TDRD1: variants seen among roughly 807,000 people sequenced by gnomAD.
The protein encoded by TDRD1 is tudor domain-containing protein 1.
Under a neutral mutation model 140.6 loss-of-function variants are expected in TDRD1, and 37 were observed. The observed-to-expected ratio is 0.26, with a 90% confidence interval of 0.20 to 0.35. The LOEUF (loss-of-function observed/expected upper bound fraction) is 0.35, where lower values mean the gene tolerates loss of function less well. TDRD1 is among the 10% of genes least tolerant of loss of function. TDRD1 has a pLI of 1.00. For missense variants in TDRD1, 1,243 were observed against 1,393.0 expected, an observed-to-expected ratio of 0.89 and a Z score of 1.71; for synonymous variants, 506 against 475.7, an observed-to-expected ratio of 1.06 and a Z score of -0.83.
Position 114,203,516 on chromosome 10 carries a change from CTA to C in TDRD1, c.934_935del (p.Ile312SerfsTer3). Reference sequence around the variant, plus strand: ...CATATGCAAATGTGCATGAAAAAGACTATATTCCTGTTAAGGGGGAAGTTTGT... The same window carrying C: ...CATATGCAAATGTGCATGAAAAAGACTATTCCTGTTAAGGGGGAAGTTTGT... On this transcript the variant is annotated frameshift_variant, in exon 8 of 26. Transcript: ENST00000251864. LOFTEE classifies it high-confidence loss of function. The C allele has an allele frequency of 6.2e-7, 1 of 1,613,252 alleles. No individual in the cohort carries two copies. The highest frequency in any genetic ancestry group is 8.5e-7 in the Non-Finnish European group (1 of 1,179,740).
rs536628624 is a variant in TDRD1, at chr10:114,185,312, C to T, written c.-6-2514C>T. 3.0e-3 allele frequency among the ~76,000 whole-genome samples: 461 copies of T among 152,286 alleles called. 1 individual carries two copies. Among genetic ancestry groups the T allele is most frequent in the Non-Finnish European group, 5.7e-3 (387 of 68,030 alleles). ...TCAAGCTATTCTCCTGCCTCAGCCT[C>T]CCGAGTAGCTGGGACTACAGGTGCG... On this transcript the variant is annotated intron_variant, in intron 1 of 25. Transcript: ENST00000251864.
At chr10:114,222,763 G>C (rs2036219552) in intron 21 of TDRD1, 60 bp downstream of exon 21, 17 of 961,392 alleles carry the variant, frequency 1.8e-5, no homozygotes, top group Non-Finnish European at 2.8e-5. Flanking sequence ...TGTTCTACAT[G>C]ATACTATGTA....
At chr10:114,192,799 A>C (rs1482448852) in intron 3 of TDRD1, among the ~76,000 whole-genome samples, 1 of 152,164 alleles carries the variant, frequency 6.6e-6, no homozygotes, top group East Asian at 1.9e-4. Context: ...TTTTCTGTAG[A>C]TATATGTGTC....
intron 11 of TDRD1, among the ~76,000 whole-genome samples, chr10:114,206,607 GTTTGT>G (rs2035123613): frequency 7.2e-6 from 1 of 138,168 alleles, no homozygotes; most frequent in East Asian, 2.1e-4. Flanking sequence ...TAGAGTTAGG[GTTTGT>G]TTTTTTTTTT....
intron 16 of TDRD1, among the ~76,000 whole-genome samples, chr10:114,216,572 T>C (rs2133111804): frequency 6.6e-6 from 1 of 152,320 alleles, no homozygotes; most frequent in Admixed American, 6.5e-5. Flanking sequence ...AAATACAGGA[T>C]TAGTGGTTTC....
chr10:114,203,175 A>C, exon 7 of TDRD1: 1 of 1,607,108 alleles, frequency 6.2e-7, no homozygotes, highest in South Asian at 1.1e-5. Flanking sequence ...ATGGAAATAA[A>C]GGTATTTGTT....
intron 11 of TDRD1, among the ~76,000 whole-genome samples, chr10:114,207,130 C>T (rs2035174772): frequency 1.3e-5 from 2 of 152,226 alleles, no homozygotes; most frequent in Admixed American, 6.5e-5. Context: ...ATTGCCTAAT[C>T]ACCTGTGTTT....
At chr10:114,197,145 C>G (rs1291622704) in intron 3 of TDRD1, among the ~76,000 whole-genome samples, 2 of 151,982 alleles carry the variant, frequency 1.3e-5, no homozygotes, top group African/African-American at 4.8e-5. Context: ...TGTGCCTGGC[C>G]TCAGCAGTCA....
intron 1 of TDRD1, among the ~76,000 whole-genome samples, chr10:114,184,048 C>G (rs996180646): frequency 1.3e-5 from 2 of 152,022 alleles, no homozygotes; most frequent in African/African-American, 4.8e-5. Flanking sequence ...TAGATATATA[C>G]TTATATATTT....
At chr10:114,207,678 C>T (rs2133032381) in intron 11 of TDRD1, among the ~76,000 whole-genome samples, 1 of 151,948 alleles carries the variant, frequency 6.6e-6, no homozygotes, top group African/African-American at 2.4e-5. Context: ...GAAGCTGGGG[C>T]CTGCAACATG....
In TDRD1 at chr10:114,212,055, C is replaced by A; in HGVS notation, c.1831+19C>A. 6.4e-7 allele frequency: 1 copy of A among 1,571,678 alleles called. No homozygotes were observed. Among genetic ancestry groups the A allele is most frequent in the Non-Finnish European group, 8.6e-7 (1 of 1,167,192 alleles). ...CTAGCAGGTATGAAATTTTTATAGC[C>A]TCCATATTCTTTAAAAATTCTACAG... On this transcript the variant is annotated intron_variant, in intron 14 of 25. Coordinates refer to ENST00000251864, the Ensembl canonical transcript of TDRD1.
At chr10:114,231,618 T>G in exon 26 of TDRD1, 2 of 974,390 alleles carry the variant, frequency 2.1e-6, no homozygotes, top group Non-Finnish European at 3.0e-6. Flanking sequence ...GTAATGACCT[T>G]CTATCCCTCC....
intron 23 of TDRD1, 98 bp downstream of exon 23, chr10:114,227,397 A>T: frequency 1.1e-6 from 1 of 869,674 alleles, no homozygotes; most frequent in Non-Finnish European, 1.9e-6. Context: ...CCCATGCCAT[A>T]CTCTCTCCTC....
chr10:114,210,675 T>G (rs775178657), exon 12 of TDRD1: 6 of 1,612,862 alleles, frequency 3.7e-6, no homozygotes, highest in Non-Finnish European at 5.1e-6. Flanking sequence ...TGAATGTAGG[T>G]GATGAGTTTT....
intron 23 of TDRD1, 86 bp from the exon 24 acceptor site, chr10:114,227,824 A>C: frequency 7.8e-6 from 8 of 1,028,608 alleles, no homozygotes; most frequent in South Asian, 1.3e-5. Flanking sequence ...CGCAAGGGGG[A>C]GAGCTATCTG....
At chr10:114,187,747 G>T (rs1208124379) in intron 1 of TDRD1, 79 bp from the exon 2 acceptor site, 16 of 1,210,074 alleles carry the variant, frequency 1.3e-5, no homozygotes, top group East Asian at 2.3e-5. Flanking sequence ...AAATATATTT[G>T]GGAGAATTCC....
At position 114,210,672 on chromosome 10, in the gene TDRD1, A is replaced by G. The variant is rs193266460; in HGVS notation, c.1476A>G (p.Val492=). ...TCCCAAAAGTGTTAACTTTGAATGTAGGTGATGAGTTTTGTGGTGTGGTTG... is the reference window on the plus strand; with the variant it reads ...TCCCAAAAGTGTTAACTTTGAATGTGGGTGATGAGTTTTGTGGTGTGGTTG... The change falls in exon 12 of 26, where the codon GTA becomes GTG. Residue 492 remains valine, a synonymous_variant. Transcript: ENST00000251864. 1.2e-4 allele frequency: 190 copies of G among 1,613,108 alleles called. 1 individual carries two copies. The highest frequency in any genetic ancestry group is 1.2e-3 in the Middle Eastern group (7 of 6,054).
chr10:114,205,211 A>G (rs2035020616), intron 10 of TDRD1, among the ~76,000 whole-genome samples: 1 of 152,170 alleles, frequency 6.6e-6, no homozygotes. Context: ...TTGTCCTTAT[A>G]TCAGTGCTTT....
chr10:114,213,450 A>C, exon 15 of TDRD1: 1 of 1,614,098 alleles, frequency 6.2e-7, no homozygotes, highest in Non-Finnish European at 8.5e-7. Context: ...CAAGTTGGAA[A>C]ACAGTTCCCT....
Sources: allele counts gnomAD v4.1 joint callset (sites outside exome capture counted in the v4.1 genomes callset), GRCh38; gene constraint gnomAD v4.1.1; transcripts MANE v1.5; gene names NCBI Gene and HGNC (gene_info 2026-07-23, HGNC 2026-07-21).